Variants in CPE observed in about 807,000 individuals in gnomAD.
The protein encoded by CPE is carbocypeptidase E.
In CPE, 17 loss-of-function variants were observed where a neutral mutation model predicts 53.5. The observed-to-expected ratio is 0.32, with a 90% CI of 0.22 to 0.48. The LOEUF (loss-of-function observed/expected upper bound fraction) is 0.48. CPE is among the 20% of genes least tolerant of loss of function. CPE has a pLI of 0.99. For synonymous variants in CPE, 226 were observed against 228.8 expected, an observed-to-expected ratio of 0.99 and a Z score of 0.11; for missense variants, 524 against 614.7, an observed-to-expected ratio of 0.85 and a Z score of 1.56.
Position 165,379,384 on chromosome 4 carries a change from C to G in CPE, c.163C>G (p.Arg55Gly). 1 of 1,608,166 alleles carries G rather than the reference C, an allele frequency of 6.2e-7. No homozygotes were observed. Reference sequence around the variant, plus strand: ...GGACGGCATCTCCTTCGAGTACCACCGCTACCCCGAGCTGCGCGAGGCGCT... The same window carrying G: ...GGACGGCATCTCCTTCGAGTACCACGGCTACCCCGAGCTGCGCGAGGCGCT... The part of the protein sequence containing the change: ...QEDGISFEYH[R>G]YPELREALVS... The change falls in exon 1 of 9, where the codon CGC becomes GGC. Residue 55 changes from arginine (R) to glycine (G), a missense_variant. Physicochemically the swap from Arg to Gly is moderately radical, Grantham distance 125. Coordinates refer to ENST00000402744, the MANE Select transcript of CPE (RefSeq NM_001873.4). This position sits in a 1 kb window ranked among gnomAD's most constrained non-coding sequence, Gnocchi z 6.0.
chr4:165,427,183 A>G (rs1382827997), intron 1 of CPE, among the ~76,000 whole-genome samples: 1 of 137,732 alleles, frequency 7.3e-6, no homozygotes, highest in Non-Finnish European at 1.6e-5. Context: ...GGCATGTCTT[A>G]GGCAAGCCCC....
intron 1 of CPE, among the ~76,000 whole-genome samples, chr4:165,396,045 TC>T (rs111785116): frequency 1.5e-4 from 23 of 152,156 alleles, no homozygotes; most frequent in African/African-American, 2.2e-4. Flanking sequence ...ATCTTTTTTT[TC>T]CTCCCTCCTC....
At chr4:165,479,094 C>G (rs1732355502) in intron 3 of CPE, among the ~76,000 whole-genome samples, 1 of 151,980 alleles carries the variant, frequency 6.6e-6, no homozygotes, top group Non-Finnish European at 1.5e-5. Context: ...AAAATAAATT[C>G]AATAGTAAAA....
intron 1 of CPE, among the ~76,000 whole-genome samples, chr4:165,418,909 A>G (rs1291198012): frequency 1.1e-4 from 16 of 152,176 alleles, no homozygotes; most frequent in Admixed American, 1.0e-3. Flanking sequence ...GTATGAGATA[A>G]TTTGAAAAAA....
chr4:165,421,331 C>T (rs1731207196), intron 1 of CPE, among the ~76,000 whole-genome samples: 1 of 152,200 alleles, frequency 6.6e-6, no homozygotes, highest in South Asian at 2.1e-4. Flanking sequence ...CTGGCCATAG[C>T]TCCTGGTCCT....
intron 1 of CPE, among the ~76,000 whole-genome samples, chr4:165,394,516 A>G (rs931338863): frequency 1.3e-5 from 2 of 152,058 alleles, no homozygotes; most frequent in African/African-American, 4.8e-5. Flanking sequence ...AGAATGAATC[A>G]TGTGTTGTGT....
chr4:165,473,698 A>C (rs983733796), intron 3 of CPE, among the ~76,000 whole-genome samples: 1 of 152,244 alleles, frequency 6.6e-6, no homozygotes, highest in African/African-American at 2.4e-5. Context: ...ATTTTTGCCC[A>C]AAAGAGTGTG....
chr4:165,488,069 T>G (rs1379203742), intron 6 of CPE, among the ~76,000 whole-genome samples: 1 of 152,166 alleles, frequency 6.6e-6, no homozygotes, highest in Non-Finnish European at 1.5e-5. Flanking sequence ...CAGGTAATAA[T>G]AATAATAATG....
rs796282420 is a variant in CPE, at chr4:165,440,462, C to CA, written c.308-23928_308-23927insA. On this transcript the variant is annotated intron_variant, in intron 1 of 8. Coordinates refer to ENST00000402744, the MANE Select transcript of CPE (RefSeq NM_001873.4). ...GCTGCTCTCACAACCCCACCCCCCCCCACACACACAAGCTGTGGTTTCTGG... is the reference window on the plus strand; with the variant it reads ...GCTGCTCTCACAACCCCACCCCCCCCACACACACACAAGCTGTGGTTTCTGG... Among the ~76,000 whole-genome samples, 1,242 of 139,190 alleles carry CA rather than the reference C, an allele frequency of 8.9e-3. 169 individuals are homozygous for CA. Among genetic ancestry groups the CA allele is most frequent in the African/African-American group, 0.032 (1,136 of 35,792 alleles). The allele number at this position is 139,190 out of a possible 152,430, so 91.3% of individuals were successfully genotyped here.
Position 165,494,181 on chromosome 4 carries a change from A to G in CPE, c.1213+911A>G, listed in dbSNP as rs143679875. 1.2e-4 allele frequency among the ~76,000 whole-genome samples: 19 copies of G among 152,354 alleles called. No individual in the cohort carries two copies. In the East Asian group the frequency reaches 3.1e-3, roughly 25 times the overall value. On this transcript the variant is annotated intron_variant, in intron 7 of 8. Transcript: ENST00000402744. ...CCAGTATGCCAGAATCTGTGCCAAG[A>G]TGTCAGCCCATGTAGCCCCTTAGCC...
chr4:165,495,794 T>C, intron 8 of CPE, 117 bp downstream of exon 8: 1 of 593,398 alleles, frequency 1.7e-6, no homozygotes, highest in Admixed American at 3.6e-5. Flanking sequence ...GTAGGCAACA[T>C]TGTTATCTCA....
At chr4:165,451,835 C>T (rs1731817250) in intron 1 of CPE, among the ~76,000 whole-genome samples, 1 of 152,006 alleles carries the variant, frequency 6.6e-6, no homozygotes, top group African/African-American at 2.4e-5. Flanking sequence ...AAAACCGAGG[C>T]TAGGGGTTAT....
intron 1 of CPE, chr4:165,381,353 A>ATACATTATGAAATAATC (rs1202519109): frequency 6.6e-6 from 3 of 455,774 alleles, no homozygotes; most frequent in African/African-American, 6.0e-5. Flanking sequence ...GGGCTTGAAT[A>ATACATTATGAAATAATC]TACATTATGA....
chr4:165,474,564 G>A lies in CPE; in HGVS notation c.672+6709G>A, dbSNP rs144033244. On this transcript the variant is annotated intron_variant, in intron 3 of 8. Coordinates refer to ENST00000402744, the MANE Select transcript of CPE (RefSeq NM_001873.4). ...GGTTCTGGAATGAACCAGTCTTACC[G>A]TGTACCCATTACCTTGGTTCCATCT... Among the ~76,000 whole-genome samples, 895 of 152,204 alleles carry A rather than the reference G, an allele frequency of 5.9e-3. 5 individuals carry two copies. The highest frequency in any genetic ancestry group is 8.0e-3 in the Non-Finnish European group (547 of 68,010).
intron 1 of CPE, among the ~76,000 whole-genome samples, chr4:165,437,178 G>A (rs372487837): frequency 2.4e-4 from 36 of 152,314 alleles, no homozygotes; most frequent in African/African-American, 8.4e-4. Flanking sequence ...GGGGTCACAT[G>A]CTCATATCTG....
Position 165,464,565 on chromosome 4 carries a change from C to A in CPE, c.483C>A (p.Gly161=). The change falls in exon 2 of 9, where the codon GGC becomes GGA. Residue 161 remains glycine (G), a synonymous_variant. Transcript: ENST00000402744. ...IHIMPSLNPD[G]FEKAASQPGE... ...TCATGCCTTCCCTGAACCCAGATGG[C>A]TTTGAGAAGGCAGCGTCTCAGGTGA... 6.2e-7 allele frequency: 1 copy of A among 1,611,606 alleles called. No homozygotes were observed. Among genetic ancestry groups the A allele is most frequent in the African/African-American group, 1.3e-5 (1 of 74,966 alleles).
intron 1 of CPE, among the ~76,000 whole-genome samples, chr4:165,413,380 G>A (rs993601743): frequency 6.6e-6 from 1 of 152,138 alleles, no homozygotes; most frequent in African/African-American, 2.4e-5. Flanking sequence ...TACCCAGCAT[G>A]GTGACCCAGA....
chr4:165,410,163 C>A (rs564779241), intron 1 of CPE, among the ~76,000 whole-genome samples: 4 of 149,840 alleles, frequency 2.7e-5, no homozygotes, highest in Non-Finnish European at 5.9e-5. Context: ...GCAGGAGAAT[C>A]GATTGAACCT....
intron 1 of CPE, among the ~76,000 whole-genome samples, chr4:165,461,685 T>G (rs1423253457): frequency 6.6e-6 from 1 of 152,194 alleles, no homozygotes; most frequent in Non-Finnish European, 1.5e-5. Context: ...TCTTCCAGAC[T>G]CTACATTCCT....
Sources: gnomAD v4.1 joint callset for allele counts (sites outside exome capture counted in the v4.1 genomes callset) on GRCh38, gnomAD v4.1.1 for gene constraint, Gnocchi (gnomAD v3.1) non-coding constraint, MANE v1.5 for transcripts, NCBI Gene and HGNC (gene_info 2026-07-23, HGNC 2026-07-21) for gene names.